Variants in STAT5B observed in about 807,000 individuals in gnomAD.
STAT5B encodes transcription factor STAT5B.
A neutral mutation model predicts 107.8 loss-of-function variants in STAT5B; 21 were observed. The ratio of observed to expected loss-of-function variants is 0.19; its 90% CI spans 0.14 to 0.28. STAT5B has a LOEUF of 0.28. Among genes scored for constraint, STAT5B ranks in the 10% least tolerant of loss-of-function variants. The pLI is 1.00. For synonymous variants in STAT5B, 325 were observed against 401.7 expected (o/e 0.81, Z 2.28); for missense variants, 565 against 1,008.2 (o/e 0.56, Z 5.95).
chr17:42,227,636 G>A lies in STAT5B; in HGVS notation c.178C>T (p.Leu60Phe), dbSNP rs1187306164. The change falls in exon 3 of 19, where the codon CTC becomes TTC. Residue 60 changes from leucine (L) to phenylalanine (F), a missense_variant. Physicochemically the swap from Leu to Phe is conservative, Grantham distance 22. Transcript: ENST00000293328. The part of the protein sequence containing the change: ...NPQENIKATQ[L>F]LEGLVQELQK... ...AGCTCCTGCACCAGGCCCTCCAGGA[G>A]CTGGGTGGCCTTAATGTTCTCCTGT... 5.6e-6 allele frequency: 9 copies of A among 1,613,980 alleles called. No individual in the cohort carries two copies. The highest frequency in any genetic ancestry group is 2.2e-5 in the East Asian group (1 of 44,900).
intron 1 of STAT5B, among the ~76,000 whole-genome samples, chr17:42,256,356 T>C (rs951376298): frequency 2.0e-5 from 3 of 152,090 alleles, no homozygotes; most frequent in African/African-American, 4.8e-5. Flanking sequence ...ACTGGGATTA[T>C]AGGCATGAGC....
chr17:42,206,147 TCTGCCTCCCTGGTTCAAGCAATTCTC>T (rs1175406439), intron 16 of STAT5B, among the ~76,000 whole-genome samples: 3 of 152,246 alleles, frequency 2.0e-5, no homozygotes, highest in South Asian at 4.1e-4. Context: ...CACTGCAACT[TCTGCCTCCCTGGTTCAAGCAATTCTC>T]CTGCCTCCCT....
rs892697511 is a variant in STAT5B at position 42,255,933 on chromosome 17, C to T, written c.-11+20315G>A. On this transcript the variant is annotated intron_variant, in intron 1 of 18. Transcript: ENST00000293328. ...TGAAACCCCACCTCTACTAAAAATA[C>T]CAAAATTAGCCAGGCATGGTGGCGT... is the stretch of plus-strand genomic sequence containing the variant. Among the ~76,000 whole-genome samples the T allele has an allele frequency of 1.3e-5, 2 of 152,040 alleles. 1 individual carries two copies. The highest frequency in any genetic ancestry group is 4.1e-4 in the South Asian group (2 of 4,822).
intron 18 of STAT5B, 186 bp downstream of exon 18, chr17:42,202,154 C>T (rs898866693): frequency 4.5e-5 from 32 of 715,652 alleles, no homozygotes; most frequent in South Asian, 1.3e-4. Flanking sequence ...TTGCCCAACC[C>T]GACTCTAAAC....
intron 3 of STAT5B, among the ~76,000 whole-genome samples, chr17:42,225,780 T>C (rs2080268019): frequency 6.6e-6 from 1 of 152,192 alleles, no homozygotes; most frequent in Non-Finnish European, 1.5e-5. Context: ...GAGCTGCGGT[T>C]GGTGGAATCA....
intron 1 of STAT5B, among the ~76,000 whole-genome samples, chr17:42,242,826 C>T (rs967864577): frequency 5.3e-5 from 8 of 152,022 alleles, no homozygotes; most frequent in African/African-American, 1.2e-4. Context: ...AAATTGTACC[C>T]CCAACCCTGT....
At position 42,255,073 on chromosome 17, in the gene STAT5B, G is replaced by A. The variant is rs2080531499; in HGVS notation, c.-11+21175C>T. Among the ~76,000 whole-genome samples, 3 of 152,110 alleles carry A rather than the reference G, an allele frequency of 2.0e-5. No individual in the cohort carries two copies. In the South Asian group the frequency reaches 6.2e-4, roughly 31 times the overall value. On this transcript the variant is annotated intron_variant, in intron 1 of 18. Transcript: ENST00000293328. ...GCCACTGCACTCCAGCCTGGCAATG[G>A]AGCGAGACTCCGTCTAAAAAAAAAA...
intron 18 of STAT5B, 31 bp downstream of exon 18, chr17:42,202,309 C>G (rs374819724): frequency 7.4e-6 from 12 of 1,612,970 alleles, no homozygotes; most frequent in Admixed American, 1.7e-5. Context: ...CCAGTTCCTC[C>G]CCTGTGGACC....
chr17:42,252,989 C>T (rs1438298859), intron 1 of STAT5B, among the ~76,000 whole-genome samples: 5 of 152,228 alleles, frequency 3.3e-5, no homozygotes, highest in African/African-American at 1.2e-4. Flanking sequence ...CCACTAACTA[C>T]AATCCAGAAA....
In STAT5B at chr17:42,199,338, C is replaced by A; in HGVS notation, c.*2400G>T. ...GCTAAATAACTAATCTGCCTTGACA[C>A]TAAAATATGTATCTGAAATAATTTC... On this transcript the variant is annotated 3_prime_UTR_variant, in exon 19 of 19. Coordinates refer to ENST00000293328, the MANE Select transcript of STAT5B (RefSeq NM_012448.4). The A allele has an allele frequency of 6.6e-6, 1 of 152,182 alleles. No homozygotes were observed. The allele number at this position is 152,182 out of a possible 1,614,324, so 9.4% of individuals were successfully genotyped here.
intron 1 of STAT5B, among the ~76,000 whole-genome samples, chr17:42,236,726 C>T (rs575128259): frequency 6.6e-6 from 1 of 152,162 alleles, no homozygotes; most frequent in South Asian, 2.1e-4. Context: ...CGTGAGCCAG[C>T]GTGCCTGGCA....
At chr17:42,272,246 C>T (rs2080727260) in intron 1 of STAT5B, 1 of 152,144 alleles carries the variant, frequency 6.6e-6, no homozygotes, top group South Asian at 2.1e-4. Flanking sequence ...TGAATTTCAC[C>T]TTGTTCTTAA....
At chr17:42,206,435 C>T (rs2080085402) in intron 16 of STAT5B, among the ~76,000 whole-genome samples, 2 of 152,086 alleles carry the variant, frequency 1.3e-5, no homozygotes, top group South Asian at 4.2e-4. Flanking sequence ...TGCTAGATAA[C>T]CTCCACACAG....
upstream of STAT5B, among the ~76,000 whole-genome samples, chr17:42,277,362 CAG>C (rs2080774550): frequency 6.6e-6 from 1 of 152,210 alleles, no homozygotes. Context: ...CTCAGACACA[CAG>C]AGCTCCCCTG....
At chr17:42,262,774 A>ATGTATATATACACATATATATGTG (rs1567676854) in intron 1 of STAT5B, among the ~76,000 whole-genome samples, 50 of 134,838 alleles carry the variant, frequency 3.7e-4, no homozygotes, top group African/African-American at 1.2e-3. Flanking sequence ...ATATACATAT[A>ATGTATATATACACATATATATGTG]TGTATATATA....
chr17:42,216,835 G>A (rs1026732420), intron 11 of STAT5B, among the ~76,000 whole-genome samples: 5 of 151,618 alleles, frequency 3.3e-5, no homozygotes, highest in African/African-American at 7.3e-5. Context: ...GTGCCACCAC[G>A]CCTGGCTAAT....
chr17:42,268,533 C>T (rs2080694246), intron 1 of STAT5B: 1 of 152,014 alleles, frequency 6.6e-6, no homozygotes, highest in Non-Finnish European at 1.5e-5. Context: ...AAGAAAAATA[C>T]AAAAAGAGGG....
At chr17:42,213,965 G>C (rs1436056402) in intron 12 of STAT5B, among the ~76,000 whole-genome samples, 1 of 150,846 alleles carries the variant, frequency 6.6e-6, no homozygotes, top group Non-Finnish European at 1.5e-5. Context: ...AACATGGTGA[G>C]ACCTGGTCTC....
At chr17:42,208,740 T>C (rs1424331981) in intron 15 of STAT5B, among the ~76,000 whole-genome samples, 1 of 151,926 alleles carries the variant, frequency 6.6e-6, no homozygotes, top group Non-Finnish European at 1.5e-5. Context: ...TGATGAATTT[T>C]TTTTTTTTCG....
Sources: gnomAD v4.1 joint callset for allele counts (sites outside exome capture counted in the v4.1 genomes callset) on GRCh38, gnomAD v4.1.1 for gene constraint, MANE v1.5 for transcripts, NCBI Gene and HGNC (gene_info 2026-07-23, HGNC 2026-07-21) for gene names.